The following F2 variants were observed in gnomAD, a reference collection of about 807,000 sequenced individuals.
F2 encodes the protein prothrombin.
A neutral mutation model predicts 81.9 loss-of-function variants in F2; 34 were observed. That is an observed-to-expected ratio of 0.42 (90% CI 0.32 to 0.55). The LOEUF is 0.55. F2 is among the 20% of genes least tolerant of loss of function. The pLI, the probability that F2 is intolerant of heterozygous loss-of-function variation, is 0.18. For missense variants in F2, 630 were observed against 833.4 expected (o/e 0.76, Z 3.00); for synonymous variants, 296 against 326.4 (o/e 0.91, Z 1.01).
At position 46,723,421 on chromosome 11, in the gene F2, G is replaced by A; in HGVS notation, c.462G>A (p.Glu154=). The A allele has an allele frequency of 6.2e-7, 1 of 1,614,112 alleles. No homozygotes were observed. The highest frequency in any genetic ancestry group is 8.5e-7 in the Non-Finnish European group (1 of 1,180,012). Residue 154 remains glutamate, a synonymous_variant, in exon 6 of 14, where the codon GAG becomes GAA. Transcript: ENST00000311907. This position sits in a 1 kb window ranked among gnomAD's most constrained non-coding sequence, Gnocchi z 5.6. ...CCCATCCTGGGGCCGACCTACAGGAGAATTTCTGCCGCAACCCCGACAGCA... is the reference window on the plus strand; with the variant it reads ...CCCATCCTGGGGCCGACCTACAGGAAAATTTCTGCCGCAACCCCGACAGCA... The part of the protein sequence containing the change: ...STTHPGADLQ[E]NFCRNPDSST...
Position 46,728,237 on chromosome 11 carries a change from G to C in F2, c.1298+74G>C. ...AAAGCGATCATGAGGGGCCCTGGTG[G>C]CTCCGGGACACATAGGATGTTCTGT... On this transcript the variant is annotated intron_variant, in intron 10 of 13. Coordinates refer to ENST00000311907, the MANE Select transcript of F2 (RefSeq NM_000506.5). This position sits in a 1 kb window ranked among gnomAD's most constrained non-coding sequence, Gnocchi z 5.1. 2.0e-6 allele frequency: 3 copies of C among 1,471,124 alleles called. No individual in the cohort carries two copies. The highest frequency in any genetic ancestry group is 3.8e-5 in the Admixed American group (2 of 51,956). The allele number at this position is 1,471,124 out of a possible 1,614,324, so 91.1% of individuals were successfully genotyped here.
intron 13 of F2, 31 bp from the exon 14 acceptor site, chr11:46,739,234 C>T (rs2134547928): frequency 1.2e-6 from 2 of 1,613,672 alleles, no homozygotes; most frequent in Non-Finnish European, 8.5e-7. Flanking sequence ...TTGAACTTGA[C>T]TCTATTGGAA....
intron 9 of F2, among the ~76,000 whole-genome samples, chr11:46,727,442 A>G (rs2064881539): frequency 6.6e-6 from 1 of 152,112 alleles, no homozygotes; most frequent in Non-Finnish European, 1.5e-5. Flanking sequence ...GTGCTACGCT[A>G]TGTGAACTCT....
chr11:46,721,808 G>T (rs1476537376), intron 4 of F2, among the ~76,000 whole-genome samples: 1 of 151,252 alleles, frequency 6.6e-6, no homozygotes, highest in East Asian at 1.9e-4. Context: ...AGGATTATAA[G>T]TGTGAGCCAC....
Position 46,725,921 on chromosome 11 carries a change from C to G in F2, c.622C>G (p.Pro208Ala). The G allele has an allele frequency of 6.2e-7, 1 of 1,613,846 alleles. No individual in the cohort carries two copies. The highest frequency in any genetic ancestry group is 8.5e-7 in the Non-Finnish European group (1 of 1,180,036). ...RSEGSSVNLSPPLEQCVPDRG... is the reference protein window; with the variant it reads ...RSEGSSVNLSAPLEQCVPDRG... ...CGAAGGCTCCAGTGTGAATCTGTCA[C>G]CTCCATTGGAGCAGTGTGTCCCTGA... is the stretch of plus-strand genomic sequence containing the variant. Residue 208 changes from proline (P) to alanine (A), a missense_variant, in exon 7 of 14, where the codon CCT (proline) becomes GCT (alanine). By Grantham distance (27) the Pro-to-Ala change is conservative. Transcript: ENST00000311907.
chr11:46,725,994 T>A lies in F2; in HGVS notation c.695T>A (p.Leu232His). Residue 232 changes from leucine (L) to histidine (H), a missense_variant, in exon 7 of 14, where the codon CTC (leucine) becomes CAC (histidine). Physicochemically the swap from Leu to His is moderately conservative, Grantham distance 99. Transcript: ENST00000311907. ...CGCCTGGCGGTGACCACACATGGGC[T>A]CCCCTGCCTGGCCTGGGCCAGCGCA... ...QGRLAVTTHG[L>H]PCLAWASAQA... The A allele has an allele frequency of 3.7e-6, 6 of 1,613,878 alleles. No homozygotes were observed. The highest frequency in any genetic ancestry group is 5.1e-6 in the Non-Finnish European group (6 of 1,179,958).
chr11:46,728,795 A>G lies in F2; in HGVS notation c.1430A>G (p.Tyr477Cys), dbSNP rs780791596. The G allele has an allele frequency of 4.3e-6, 7 of 1,614,024 alleles. No homozygotes were observed. Among genetic ancestry groups the G allele is most frequent in the Non-Finnish European group, 4.2e-6 (5 of 1,180,018 alleles). ...AAGAAGCCTGTTGCCTTCAGTGACT[A>G]CATTCACCCTGTGTGTCTGCCCGAC... Reference protein sequence around the residue: ...KLKKPVAFSDYIHPVCLPDRE... With the variant: ...KLKKPVAFSDCIHPVCLPDRE... The change falls in exon 11 of 14, where the codon TAC becomes TGC. Residue 477 changes from tyrosine to cysteine, a missense_variant. Physicochemically the swap from Tyr to Cys is radical, Grantham distance 194. Coordinates refer to ENST00000311907, the MANE Select transcript of F2 (RefSeq NM_000506.5). This position sits in a 1 kb window ranked among gnomAD's most constrained non-coding sequence, Gnocchi z 5.1.
At chr11:46,735,726 C>T (rs770876707) in intron 12 of F2, among the ~76,000 whole-genome samples, 6 of 150,230 alleles carry the variant, frequency 4.0e-5, no homozygotes, top group Non-Finnish European at 7.4e-5. Context: ...AGTTCAAGAC[C>T]AGCCTGACCA....
chr11:46,739,261 T>C lies in F2; in HGVS notation c.1726-4T>C, dbSNP rs927199684. 6 of 1,613,594 alleles carry C rather than the reference T, an allele frequency of 3.7e-6. No homozygotes were observed. In the African/African-American group the frequency reaches 6.7e-5, roughly 18 times the overall value. The stretch of plus-strand genomic sequence containing the variant: ...CTATTGGAAACCTCATCTTTCTTCT[T>C]CAGAGCCCCTTTAACAACCGCTGGT... On this transcript the variant is annotated splice_region_variant and splice_polypyrimidine_tract_variant and intron_variant, in intron 13 of 13. Coordinates refer to ENST00000311907, the MANE Select transcript of F2 (RefSeq NM_000506.5).
In F2 at chr11:46,719,835, C is replaced by G. The variant is rs371680056; in HGVS notation, c.213C>G (p.Phe71Leu). The stretch of plus-strand genomic sequence containing the variant: ...AGACGTGCAGCTACGAGGAGGCCTT[C>G]GAGGCTCTGGAGTCCTCCACGGCTA... ...VEETCSYEEAFEALESSTATD... is the reference protein window; with the variant it reads ...VEETCSYEEALEALESSTATD... Residue 71 changes from phenylalanine (F) to leucine (L), a missense_variant, in exon 2 of 14, where the codon TTC becomes TTG. Physicochemically the swap from Phe to Leu is conservative, Grantham distance 22. Coordinates refer to ENST00000311907, the MANE Select transcript of F2 (RefSeq NM_000506.5). This position sits in a 1 kb window ranked among gnomAD's most constrained non-coding sequence, Gnocchi z 4.7. 1.3e-6 allele frequency: 2 copies of G among 1,580,244 alleles called. No homozygotes were observed. Among genetic ancestry groups the G allele is most frequent in the Non-Finnish European group, 8.6e-7 (1 of 1,164,078 alleles).
rs749854607 is a variant in F2, at chr11:46,727,993, C to T, written c.1131-3C>T. On this transcript the variant is annotated splice_polypyrimidine_tract_variant and splice_region_variant and intron_variant, in intron 9 of 13. Coordinates refer to ENST00000311907, the MANE Select transcript of F2 (RefSeq NM_000506.5). Reference sequence around the variant, plus strand: ...TCCTAATGCTTCCTGCTGCCCCTCCCAGGCAGGTGATGCTTTTCCGGAAGA... The same window carrying T: ...TCCTAATGCTTCCTGCTGCCCCTCCTAGGCAGGTGATGCTTTTCCGGAAGA... 1.2e-6 allele frequency: 2 copies of T among 1,607,242 alleles called. No individual in the cohort carries two copies. The highest frequency in any genetic ancestry group is 1.7e-6 in the Non-Finnish European group (2 of 1,177,526).
chr11:46,734,103 T>A (rs3136489), intron 12 of F2, among the ~76,000 whole-genome samples: 10,036 of 151,336 alleles, frequency 0.066, 388 homozygotes, highest in Non-Finnish European at 0.09. Flanking sequence ...CATTTTTATA[T>A]AATTTTTTTT....
At chr11:46,735,648 C>T (rs536499558) in intron 12 of F2, among the ~76,000 whole-genome samples, 23 of 146,364 alleles carry the variant, frequency 1.6e-4, no homozygotes, top group Middle Eastern at 4.1e-3. Context: ...ATCGGCTGGG[C>T]GCGGTGGCTC....
Position 46,728,551 on chromosome 11 carries a change from C to A in F2, c.1299-113C>A, listed in dbSNP as rs1287679342. ...CCATGGCAGGAACCAGCCCTATCCC[C>A]TCCCTGGTGGCCTGCAGGACACACT... On this transcript the variant is annotated intron_variant, in intron 10 of 13. Transcript: ENST00000311907. The surrounding 1 kb of genome is among the most constrained non-coding windows in gnomAD (Gnocchi z 5.1). 2.4e-6 allele frequency: 3 copies of A among 1,234,610 alleles called. No homozygotes were observed. Among genetic ancestry groups the A allele is most frequent in the Non-Finnish European group, 3.5e-6 (3 of 850,320 alleles). The allele number at this position is 1,234,610 out of a possible 1,614,324, so 76.5% of individuals were successfully genotyped here.
In F2 at chr11:46,723,508, C is replaced by A; in HGVS notation, c.549C>A (p.Ile183=). 1.9e-6 allele frequency: 3 copies of A among 1,613,090 alleles called. No homozygotes were observed. In the South Asian group the frequency reaches 3.3e-5, roughly 18 times the overall value. Reference sequence around the variant, plus strand: ...CCGTGAGGAGGCAGGAATGCAGCATCCCTGTCTGTGGTAAGCTGGGGGCAG... The same window carrying A: ...CCGTGAGGAGGCAGGAATGCAGCATACCTGTCTGTGGTAAGCTGGGGGCAG... The part of the protein sequence containing the change: ...DPTVRRQECS[I]PVCGQDQVTV... Residue 183 remains isoleucine (I), a synonymous_variant, in exon 6 of 14, where the codon ATC becomes ATA. Coordinates refer to ENST00000311907, the MANE Select transcript of F2 (RefSeq NM_000506.5). The surrounding 1 kb of genome is among the most constrained non-coding windows in gnomAD (Gnocchi z 5.6).
Position 46,723,442 on chromosome 11 carries a change from C to T in F2, c.483C>T (p.Asp161=), listed in dbSNP as rs1388778836. Residue 161 remains aspartate (D), a synonymous_variant, in exon 6 of 14, where the codon GAC becomes GAT. Coordinates refer to ENST00000311907, the MANE Select transcript of F2 (RefSeq NM_000506.5). The surrounding 1 kb of genome is among the most constrained non-coding windows in gnomAD (Gnocchi z 5.6). ...AGGAGAATTTCTGCCGCAACCCCGACAGCAGCACCACGGGACCCTGGTGCT... is the reference window on the plus strand; with the variant it reads ...AGGAGAATTTCTGCCGCAACCCCGATAGCAGCACCACGGGACCCTGGTGCT... ...DLQENFCRNP[D]SSTTGPWCYT... is the part of the protein sequence containing the mutation. 8 of 1,614,000 alleles carry T rather than the reference C, an allele frequency of 5.0e-6. No homozygotes were observed. The highest frequency in any genetic ancestry group is 6.8e-6 in the Non-Finnish European group (8 of 1,180,004).
rs71455298 is a variant in F2 at position 46,725,069 on chromosome 11, C to CTTTTTTTT, written c.560-779_560-772dup. 6.6e-5 allele frequency among the ~76,000 whole-genome samples: 7 copies of CTTTTTTTT among 106,246 alleles called. 2 individuals are homozygous for CTTTTTTTT. Among genetic ancestry groups the CTTTTTTTT allele is most frequent in the Non-Finnish European group, 1.8e-5 (1 of 56,278 alleles). The allele number at this position is 106,246 out of a possible 152,430, so 69.7% of individuals were successfully genotyped here. On this transcript the variant is annotated intron_variant, in intron 6 of 13. Transcript: ENST00000311907. Reference sequence around the variant, plus strand: ...ACAGGGGTGAGGCACTGCGCCCGGCCTTTTTTTTTTTTTTTTTTGAGATGG... The same window carrying CTTTTTTTT: ...ACAGGGGTGAGGCACTGCGCCCGGCCTTTTTTTTTTTTTTTTTTTTTTTTTTGAGATGG...
chr11:46,737,147 TTTTC>T (rs1212487945), intron 12 of F2, among the ~76,000 whole-genome samples: 1 of 152,028 alleles, frequency 6.6e-6, no homozygotes, highest in Non-Finnish European at 1.5e-5. Context: ...GGCCTATTAT[TTTTC>T]TTTTTTTTGA....
Position 46,719,740 on chromosome 11 carries a change from C to T in F2, c.118C>T (p.Arg40Trp), listed in dbSNP as rs1013222460. Residue 40 changes from arginine to tryptophan, a missense_variant, in exon 2 of 14, where the codon CGG (arginine) becomes TGG (tryptophan). Arg to Trp is a moderately radical substitution (Grantham distance 101). Coordinates refer to ENST00000311907, the MANE Select transcript of F2 (RefSeq NM_000506.5). This position sits in a 1 kb window ranked among gnomAD's most constrained non-coding sequence, Gnocchi z 4.7. ...TCAGCAAGCACGGTCGCTGCTCCAG[C>T]GGGTCCGGCGAGCCAACACCTTCTT... The part of the protein sequence containing the change: ...APQQARSLLQ[R>W]VRRANTFLEE... The T allele has an allele frequency of 2.5e-6, 4 of 1,594,980 alleles. No individual in the cohort carries two copies. The highest frequency in any genetic ancestry group is 2.6e-6 in the Non-Finnish European group (3 of 1,172,108).
Sources: gnomAD v4.1 joint callset for allele counts (sites outside exome capture counted in the v4.1 genomes callset) on GRCh38, gnomAD v4.1.1 for gene constraint, Gnocchi (gnomAD v3.1) non-coding constraint, MANE v1.5 for transcripts, NCBI Gene and HGNC (gene_info 2026-07-23, HGNC 2026-07-21) for gene names.